Variants in CIAO3 observed in about 807,000 individuals in gnomAD.
CIAO3 encodes the protein LET1 like/JFP15.
A neutral mutation model predicts 51.5 loss-of-function variants in CIAO3; 45 were observed. The observed-to-expected ratio is 0.87, with a 90% CI of 0.69 to 1.12. The LOEUF is 1.12. CIAO3 is among the 50% of genes most tolerant of loss of function. The pLI is 0.00. For synonymous variants in CIAO3, 314 were observed against 269.3 expected, an observed-to-expected ratio of 1.17 and a Z score of -1.63; for missense variants, 668 against 632.5, an observed-to-expected ratio of 1.06 and a Z score of -0.60.
Position 737,690 on chromosome 16 carries a change from T to A in CIAO3, c.163-361A>T, listed in dbSNP as rs2041353441. On this transcript the variant is annotated intron_variant, in intron 2 of 10. Coordinates refer to ENST00000251588, the MANE Select transcript of CIAO3 (RefSeq NM_022493.3). This position sits in a 1 kb window ranked among gnomAD's most constrained non-coding sequence, Gnocchi z 5.3. Reference sequence around the variant, plus strand: ...CTGTAGGGCAGGAAAATGCCGAAGGTGGGCTCTGAAAGGAGGAGGCGGGAA... The same window carrying A: ...CTGTAGGGCAGGAAAATGCCGAAGGAGGGCTCTGAAAGGAGGAGGCGGGAA... 2.3e-6 allele frequency: 3 copies of A among 1,307,914 alleles called. No homozygotes were observed. The African/African-American group carries it at 4.5e-5, about 20-fold the overall frequency. 81.0% of individuals were successfully genotyped at this position (1,307,914 alleles called of 1,614,324 possible).
At chr16:733,164 G>A (rs190353977) in intron 7 of CIAO3, 134 bp downstream of exon 7, 76 of 1,155,944 alleles carry the variant, frequency 6.6e-5, no homozygotes, top group African/African-American at 6.2e-4. Flanking sequence ...ACGAAGGTAC[G>A]TGCACGCATG....
Sources: allele counts gnomAD v4.1 joint callset, GRCh38; gene constraint gnomAD v4.1.1; non-coding constraint Gnocchi (gnomAD v3.1); transcripts MANE v1.5; gene names NCBI Gene and HGNC (gene_info 2026-07-23, HGNC 2026-07-21).